Variants in KCTD8 observed in about 807,000 individuals in gnomAD.
The protein encoded by KCTD8 is BTB/POZ domain-containing protein KCTD8.
In KCTD8, 27 loss-of-function variants were observed where a neutral mutation model predicts 31.5. That is an observed-to-expected ratio of 0.86 (90% CI 0.63 to 1.18). The LOEUF (loss-of-function observed/expected upper bound fraction) is 1.18. KCTD8 is among the 50% of genes most tolerant of loss of function. The pLI is 0.00. For synonymous variants in KCTD8, 290 were observed against 280.0 expected, an observed-to-expected ratio of 1.04 and a Z score of -0.36; for missense variants, 658 against 647.7, an observed-to-expected ratio of 1.02 and a Z score of -0.17.
chr4:44,222,482 A>G (rs1180092973), intron 1 of KCTD8, among the ~76,000 whole-genome samples: 1 of 152,204 alleles, frequency 6.6e-6, no homozygotes, highest in Non-Finnish European at 1.5e-5. Context: ...ATCAGAGAAG[A>G]TGAAGGAGAT....
In KCTD8 at chr4:44,369,904, T is replaced by G. The variant is rs1719739607; in HGVS notation, c.961+77659A>C. Reference sequence around the variant, plus strand: ...CCTGAGCACTTACAGTTTTGCTTTTTTCTAATAAACAATATCATACTTATT... The same window carrying G: ...CCTGAGCACTTACAGTTTTGCTTTTGTCTAATAAACAATATCATACTTATT... On this transcript the variant is annotated intron_variant, in intron 1 of 1. Transcript: ENST00000360029. Among the ~76,000 whole-genome samples, 6 of 152,228 alleles carry G rather than the reference T, an allele frequency of 3.9e-5. No homozygotes were observed. The South Asian group carries it at 1.2e-3, about 31-fold the overall frequency.
rs1352531543 is a variant in KCTD8, at chr4:44,447,955, G to A, written c.569C>T (p.Pro190Leu). 1 of 1,521,614 alleles carries A rather than the reference G, an allele frequency of 6.6e-7. No individual in the cohort carries two copies. Among genetic ancestry groups the A allele is most frequent in the Non-Finnish European group, 8.8e-7 (1 of 1,133,284 alleles). The allele number at this position is 1,521,614 out of a possible 1,614,324, so 94.3% of individuals were successfully genotyped here. The change falls in exon 1 of 2, where the codon CCG (proline) becomes CTG (leucine). Residue 190 changes from proline to leucine, a missense_variant. Physicochemically the swap from Pro to Leu is moderately conservative, Grantham distance 98. Transcript: ENST00000360029. Reference sequence around the variant, plus strand: ...GCCGCCGCCACCACCGTGCGCTCCCGGGCCCGAGGGCACGGCGGCCGCCGC... The same window carrying A: ...GCCGCCGCCACCACCGTGCGCTCCCAGGCCCGAGGGCACGGCGGCCGCCGC... ...RGAAAAVPSG[P>L]GAHGGGGGGG...
intron 1 of KCTD8, among the ~76,000 whole-genome samples, chr4:44,281,184 T>G (rs965710076): frequency 6.6e-6 from 1 of 152,054 alleles, no homozygotes; most frequent in Non-Finnish European, 1.5e-5. Flanking sequence ...TTCAAAACTA[T>G]GCAAAACTCT....
chr4:44,294,101 T>C (rs1444440511), intron 1 of KCTD8, among the ~76,000 whole-genome samples: 1 of 152,208 alleles, frequency 6.6e-6, no homozygotes, highest in Non-Finnish European at 1.5e-5. Flanking sequence ...GTATAAGTGA[T>C]AATTTATTAT....
intron 1 of KCTD8, among the ~76,000 whole-genome samples, chr4:44,311,119 C>T (rs1162798119): frequency 1.3e-5 from 2 of 151,912 alleles, no homozygotes; most frequent in Admixed American, 1.3e-4. Flanking sequence ...CTATAAATAA[C>T]AATCCAACCA....
At chr4:44,410,845 T>C (rs889411326) in intron 1 of KCTD8, among the ~76,000 whole-genome samples, 4 of 152,152 alleles carry the variant, frequency 2.6e-5, no homozygotes, top group Non-Finnish European at 4.4e-5. Flanking sequence ...GAATTAAAGA[T>C]TAGATTTGGG....
chr4:44,246,839 G>A (rs891977324), intron 1 of KCTD8, among the ~76,000 whole-genome samples: 3 of 151,952 alleles, frequency 2.0e-5, no homozygotes, highest in Admixed American at 2.0e-4. Flanking sequence ...GAGATGTAGA[G>A]CACATATCTG....
chr4:44,238,509 T>C (rs1399788040), intron 1 of KCTD8, among the ~76,000 whole-genome samples: 1 of 152,156 alleles, frequency 6.6e-6, no homozygotes, highest in East Asian at 1.9e-4. Flanking sequence ...GTGGAATCAA[T>C]GAATAAAAGA....
intron 1 of KCTD8, among the ~76,000 whole-genome samples, chr4:44,323,509 CA>C (rs1178304515): frequency 5.1e-5 from 7 of 136,700 alleles, no homozygotes; most frequent in Non-Finnish European, 7.9e-5. Flanking sequence ...CACCCCCCCC[CA>C]AAAAAAATTA....
intron 1 of KCTD8, among the ~76,000 whole-genome samples, chr4:44,233,896 T>C (rs1423908866): frequency 6.6e-6 from 1 of 152,178 alleles, no homozygotes; most frequent in African/African-American, 2.4e-5. Flanking sequence ...AACAATTTAC[T>C]ATTCATCCAG....
chr4:44,261,365 T>C (rs938928268), intron 1 of KCTD8, among the ~76,000 whole-genome samples: 1 of 151,936 alleles, frequency 6.6e-6, no homozygotes, highest in Non-Finnish European at 1.5e-5. Flanking sequence ...AAAATCAAAA[T>C]TTAGCCATAA....
intron 1 of KCTD8, among the ~76,000 whole-genome samples, chr4:44,229,256 C>T (rs55718809): frequency 0.12 from 18,169 of 152,136 alleles, 1,377 homozygotes; most frequent in East Asian, 0.24. Flanking sequence ...TATCACGTTG[C>T]CTCTCTAAAA....
At chr4:44,427,769 G>A (rs1721383388) in intron 1 of KCTD8, among the ~76,000 whole-genome samples, 1 of 151,636 alleles carries the variant, frequency 6.6e-6, no homozygotes, top group Non-Finnish European at 1.5e-5. Context: ...TAACATACGA[G>A]TAAGTTTATA....
Position 44,263,847 on chromosome 4 carries a change from A to G in KCTD8, c.962-88597T>C, listed in dbSNP as rs549211200. On this transcript the variant is annotated intron_variant, in intron 1 of 1. Transcript: ENST00000360029. The stretch of plus-strand genomic sequence containing the variant: ...AAAGGCAGCTGTACTCTTTCCTTAG[A>G]AGGACCCTAAGGAATTCCAAAGAAA... Among the ~76,000 whole-genome samples, 4 of 152,284 alleles carry G rather than the reference A, an allele frequency of 2.6e-5. No individual in the cohort carries two copies. The East Asian group carries it at 7.7e-4, about 29-fold the overall frequency.
At chr4:44,265,335 G>C (rs979612544) in intron 1 of KCTD8, among the ~76,000 whole-genome samples, 1 of 152,250 alleles carries the variant, frequency 6.6e-6, no homozygotes, top group Admixed American at 6.5e-5. Context: ...TGAGGGTACT[G>C]TATGTTAGAA....
chr4:44,421,212 A>G (rs1721202579), intron 1 of KCTD8, among the ~76,000 whole-genome samples: 1 of 152,114 alleles, frequency 6.6e-6, no homozygotes, highest in South Asian at 2.1e-4. Context: ...TCTGTACTAT[A>G]AAACATATAA....
At chr4:44,184,065 C>T (rs1469936665) in intron 1 of KCTD8, among the ~76,000 whole-genome samples, 1 of 151,812 alleles carries the variant, frequency 6.6e-6, no homozygotes, top group African/African-American at 2.4e-5. Flanking sequence ...GGTGGGGACA[C>T]ACACACATGT....
intron 1 of KCTD8, among the ~76,000 whole-genome samples, chr4:44,314,649 CA>C (rs1173627934): frequency 6.6e-6 from 1 of 151,904 alleles, no homozygotes; most frequent in Non-Finnish European, 1.5e-5. Context: ...TATAAATATA[CA>C]CATCTATATG....
chr4:44,177,550 T>A (rs965659417), intron 1 of KCTD8, among the ~76,000 whole-genome samples: 2 of 152,176 alleles, frequency 1.3e-5, no homozygotes, highest in Non-Finnish European at 2.9e-5. Flanking sequence ...GTTGGGTCTT[T>A]CTTGTGCTGT....
Sources: gnomAD v4.1 joint callset for allele counts (sites outside exome capture counted in the v4.1 genomes callset) on GRCh38, gnomAD v4.1.1 for gene constraint, MANE v1.5 for transcripts, NCBI Gene and HGNC (gene_info 2026-07-23, HGNC 2026-07-21) for gene names.